Variants in NFRKB observed in about 807,000 individuals in gnomAD.
NFRKB encodes the protein nuclear factor related to kappaB binding protein.
NFRKB carries 62 observed loss-of-function variants against 135.7 expected under a neutral mutation model. The ratio of observed to expected loss-of-function variants is 0.46; its 90% CI spans 0.37 to 0.56. The LOEUF (loss-of-function observed/expected upper bound fraction) is 0.56. NFRKB is among the 20% of genes least tolerant of loss of function. The pLI is 0.00. For missense variants in NFRKB, 1,545 were observed against 1,662.0 expected, an observed-to-expected ratio of 0.93 and a Z score of 1.22; for synonymous variants, 678 against 635.6, an observed-to-expected ratio of 1.07 and a Z score of -1.00.
chr11:129,874,926 A>G lies in NFRKB; in HGVS notation c.1855-10T>C, dbSNP rs1948689320. 1 of 1,613,966 alleles carries G rather than the reference A, an allele frequency of 6.2e-7. No individual in the cohort carries two copies. The highest frequency in any genetic ancestry group is 1.7e-5 in the Admixed American group (1 of 60,014). On this transcript the variant is annotated splice_polypyrimidine_tract_variant and intron_variant, in intron 18 of 26. Coordinates refer to ENST00000682444, the MANE Select transcript of NFRKB (RefSeq NM_001143835.2). This position sits in a 1 kb window ranked among gnomAD's most constrained non-coding sequence, Gnocchi z 4.5. ...TCACTACTGTATTTACCTACAAATC[A>G]GACAAAGGGAAATAAGAAACAAGTC...
intron 13 of NFRKB, among the ~76,000 whole-genome samples, chr11:129,879,884 T>A (rs1351055187): frequency 6.6e-6 from 1 of 152,180 alleles, no homozygotes; most frequent in African/African-American, 2.4e-5. Flanking sequence ...ATACCTCAAA[T>A]GCAGCTCTAA....
chr11:129,875,339 A>G lies in NFRKB; in HGVS notation c.1854+18T>C. The G allele has an allele frequency of 1.3e-6, 2 of 1,582,610 alleles. No homozygotes were observed. The highest frequency in any genetic ancestry group is 1.7e-6 in the Non-Finnish European group (2 of 1,157,036). On this transcript the variant is annotated intron_variant, in intron 18 of 26. Transcript: ENST00000682444. Reference sequence around the variant, plus strand: ...TCCATTCTGGAACAAAGCAAAAGTAATCTCTTCTCCGTCCTACCTGAGTGC... The same window carrying G: ...TCCATTCTGGAACAAAGCAAAAGTAGTCTCTTCTCCGTCCTACCTGAGTGC...
In NFRKB at chr11:129,874,271, C is replaced by T; in HGVS notation, c.2121G>A (p.Gln707=). 6.6e-7 allele frequency: 1 copy of T among 1,516,810 alleles called. No individual in the cohort carries two copies. The highest frequency in any genetic ancestry group is 8.8e-7 in the Non-Finnish European group (1 of 1,134,710). The allele number at this position is 1,516,810 out of a possible 1,614,324, so 94.0% of individuals were successfully genotyped here. ...GCATACTGGAGTCACTGAGGCTCAT[C>T]TGGCTCTGCTCAGAAGGGCCACTGC... is the stretch of plus-strand genomic sequence containing the variant. ...VLSSGPSEQS[Q]MSLSDSSMPP... The change falls in exon 21 of 27, where the codon CAG becomes CAA. Residue 707 remains glutamine, a synonymous_variant. Coordinates refer to ENST00000682444, the MANE Select transcript of NFRKB (RefSeq NM_001143835.2). This position sits in a 1 kb window ranked among gnomAD's most constrained non-coding sequence, Gnocchi z 4.5.
Position 129,879,123 on chromosome 11 carries a change from A to T in NFRKB, c.1385-580T>A, listed in dbSNP as rs1161663. 2.0e-4 allele frequency among the ~76,000 whole-genome samples: 30 copies of T among 152,126 alleles called. 1 individual carries two copies. Among genetic ancestry groups the T allele is most frequent in the Admixed American group, 5.2e-4 (8 of 15,268 alleles). On this transcript the variant is annotated intron_variant, in intron 13 of 26. Transcript: ENST00000682444. ...TCTGTTCAGGCTGTCTGAGACCCTGATGGCACCTGTGTCTCCTGCCCAGCA... is the reference window on the plus strand; with the variant it reads ...TCTGTTCAGGCTGTCTGAGACCCTGTTGGCACCTGTGTCTCCTGCCCAGCA...
chr11:129,883,738 C>G (rs1171400199), intron 8 of NFRKB, among the ~76,000 whole-genome samples: 2 of 152,176 alleles, frequency 1.3e-5, no homozygotes, highest in African/African-American at 2.4e-5. Flanking sequence ...TGGGACAAAC[C>G]CAGGGCCCAA....
chr11:129,881,865 CA>C lies in NFRKB; in HGVS notation c.1192-13del. ...ACTCGCTCCTCTAGCTGAGGGAAAG[CA>C]AAGGCAGAACCCAGTCAGACTTCTC... On this transcript the variant is annotated splice_polypyrimidine_tract_variant and intron_variant, in intron 11 of 26. Transcript: ENST00000682444. 1 of 1,589,136 alleles carries C rather than the reference CA, an allele frequency of 6.3e-7. No individual in the cohort carries two copies. Among genetic ancestry groups the C allele is most frequent in the Non-Finnish European group, 8.6e-7 (1 of 1,169,426 alleles).
intron 24 of NFRKB, among the ~76,000 whole-genome samples, chr11:129,869,051 A>C (rs1948360293): frequency 6.6e-6 from 1 of 152,162 alleles, no homozygotes; most frequent in African/African-American, 2.4e-5. Flanking sequence ...AGCAAATCAC[A>C]GAATATATAA....
At chr11:129,884,415 G>T (rs1949173009) in intron 7 of NFRKB, among the ~76,000 whole-genome samples, 1 of 152,166 alleles carries the variant, frequency 6.6e-6, no homozygotes, top group Non-Finnish European at 1.5e-5. Context: ...CAAACTCACA[G>T]ACACTCTGGA....
Position 129,888,690 on chromosome 11 carries a change from T to G in NFRKB, c.241A>C (p.Ser81Arg). The G allele has an allele frequency of 2.5e-6, 4 of 1,614,214 alleles. No individual in the cohort carries two copies. The highest frequency in any genetic ancestry group is 3.4e-6 in the Non-Finnish European group (4 of 1,180,040). Reference sequence around the variant, plus strand: ...ATGAGTTCATTCTGCTGCTCAGCACTGTCTTCAGGAAACTGGGGCAGAAAC... The same window carrying G: ...ATGAGTTCATTCTGCTGCTCAGCACGGTCTTCAGGAAACTGGGGCAGAAAC... The part of the protein sequence containing the change: ...QQFLPQFPED[S>R]AEQQNELILA... The change falls in exon 4 of 27, where the codon AGT (serine) becomes CGT (arginine). Residue 81 changes from serine to arginine, a missense_variant. By Grantham distance (110) the Ser-to-Arg change is moderately radical. Transcript: ENST00000682444.
chr11:129,873,916 G>A lies in NFRKB; in HGVS notation c.2379C>T (p.Val793=), dbSNP rs367597642. 22 of 1,613,502 alleles carry A rather than the reference G, an allele frequency of 1.4e-5. No homozygotes were observed. The highest frequency in any genetic ancestry group is 8.9e-5 in the East Asian group (4 of 44,898). The change falls in exon 22 of 27, where the codon GTC becomes GTT. Residue 793 remains valine (V), a synonymous_variant. Coordinates refer to ENST00000682444, the MANE Select transcript of NFRKB (RefSeq NM_001143835.2). ...TAPSSQAAAR[V]VSHSGSAGLS... Reference sequence around the variant, plus strand: ...GTCCAGCAGAGCCAGAGTGGCTCACGACCCGGGCGGCAGCCTGAGAACTGG... The same window carrying A: ...GTCCAGCAGAGCCAGAGTGGCTCACAACCCGGGCGGCAGCCTGAGAACTGG...
rs753526569 is a variant in NFRKB, at chr11:129,876,704, C to T, written c.1747+17G>A. 8.1e-6 allele frequency: 13 copies of T among 1,606,376 alleles called. No individual in the cohort carries two copies. Among genetic ancestry groups the T allele is most frequent in the African/African-American group, 6.7e-5 (5 of 74,732 alleles). ...GGTGAAGAAAGGGATCTCTGATAATCGACACGTGCCACCTACCAAGAGACA... is the reference window on the plus strand; with the variant it reads ...GGTGAAGAAAGGGATCTCTGATAATTGACACGTGCCACCTACCAAGAGACA... On this transcript the variant is annotated intron_variant, in intron 17 of 26. Transcript: ENST00000682444.
chr11:129,892,137 G>C (rs1468291752), intron 3 of NFRKB, among the ~76,000 whole-genome samples: 1 of 151,986 alleles, frequency 6.6e-6, no homozygotes, highest in African/African-American at 2.4e-5. Context: ...TTATTTCTGA[G>C]ATTTTGGTGC....
chr11:129,886,498 A>C (rs1949286031), intron 4 of NFRKB, 54 bp from the exon 5 acceptor site: 1 of 1,523,318 alleles, frequency 6.6e-7, no homozygotes, highest in African/African-American at 1.4e-5. Flanking sequence ...ATACATCATC[A>C]GTCAACAAAT....
At position 129,882,159 on chromosome 11, in the gene NFRKB, T is replaced by C. The variant is rs753593788; in HGVS notation, c.1118A>G (p.Asn373Ser). Residue 373 changes from asparagine to serine, a missense_variant, in exon 11 of 27, where the codon AAT becomes AGT. Asn to Ser is a conservative substitution (Grantham distance 46). This residue lies in a region of NFRKB where 678 missense variants were observed against 646.7 expected (regional missense o/e 1.05). Transcript: ENST00000682444. ...LEDLKPCLGI[N>S]EISSSFFSLL... ...AGAGAAGAAGCTGGAAGATATTTCA[T>C]TGATTCCAAGGCAAGGCTTGAGGTC... The C allele has an allele frequency of 4.2e-5, 68 of 1,613,348 alleles. No homozygotes were observed. Among genetic ancestry groups the C allele is most frequent in the Admixed American group, 1.0e-4 (6 of 59,804 alleles).
chr11:129,886,518 G>A, intron 4 of NFRKB, 74 bp from the exon 5 acceptor site: 2 of 1,372,498 alleles, frequency 1.5e-6, no homozygotes, highest in Admixed American at 1.7e-5. Flanking sequence ...TATATTGAAT[G>A]AGTGCTTAAC....
rs1212323234 is a variant in NFRKB, at chr11:129,894,417, CGTTA to C, written c.-84_-81del. ...GGAAGCTGGACCAGGTCCTCCCTCC[CGTTA>C]TTTCCAATTCTGGAATCCTGCAATG... On this transcript the variant is annotated 5_prime_UTR_variant, in exon 2 of 27. Coordinates refer to ENST00000682444, the MANE Select transcript of NFRKB (RefSeq NM_001143835.2). The C allele has an allele frequency of 6.6e-6, 1 of 152,216 alleles. No individual in the cohort carries two copies. The highest frequency in any genetic ancestry group is 1.5e-5 in the Non-Finnish European group (1 of 68,038). 9.4% of individuals were successfully genotyped at this position (152,216 alleles called of 1,614,324 possible).
In NFRKB at chr11:129,887,985, T is replaced by C. The variant is rs577235436; in HGVS notation, c.337+609A>G. 8.5e-5 allele frequency among the ~76,000 whole-genome samples: 13 copies of C among 152,204 alleles called. No individual in the cohort carries two copies. The East Asian group carries it at 1.2e-3, about 14-fold the overall frequency. ...GCGGGAGGCAGAGTTTGCAGTGAGC[T>C]GAGATTGCGCCACTGCACTCCAGCC... On this transcript the variant is annotated intron_variant, in intron 4 of 26. Transcript: ENST00000682444.
intron 4 of NFRKB, chr11:129,888,242 C>G (rs527584663): frequency 1.7e-6 from 1 of 573,976 alleles, no homozygotes; most frequent in South Asian, 2.2e-5. Flanking sequence ...ACACACGAAC[C>G]TTGATACGTG....
chr11:129,872,125 A>G (rs1948538995), intron 23 of NFRKB, among the ~76,000 whole-genome samples: 1 of 152,132 alleles, frequency 6.6e-6, no homozygotes, highest in Admixed American at 6.5e-5. Flanking sequence ...CTGCAGCTAA[A>G]ATAACACACT....
Sources: allele counts gnomAD v4.1 joint callset (sites outside exome capture counted in the v4.1 genomes callset), GRCh38; gene constraint gnomAD v4.1.1; regional missense constraint gnomAD v4.1.1; non-coding constraint Gnocchi (gnomAD v3.1); transcripts MANE v1.5; gene names NCBI Gene and HGNC (gene_info 2026-07-23, HGNC 2026-07-21).